SYN2: variants seen among roughly 807,000 people sequenced by gnomAD.
SYN2 encodes the protein synapsin II.
In SYN2, 19 loss-of-function variants were observed where a neutral mutation model predicts 50.9. The ratio of observed to expected loss-of-function variants is 0.37; its 90% CI spans 0.26 to 0.55. SYN2 has a LOEUF of 0.55. Ranked by LOEUF, SYN2 falls within the 20% of genes least tolerant of loss-of-function variation. SYN2 has a pLI of 0.81. For missense variants in SYN2, 587 were observed against 576.4 expected (o/e 1.02, Z -0.19); for synonymous variants, 255 against 224.9 (o/e 1.13, Z -1.20).
intron 1 of SYN2, among the ~76,000 whole-genome samples, chr3:12,124,435 A>G (rs1696622251): frequency 6.6e-6 from 1 of 152,192 alleles, no homozygotes; most frequent in Non-Finnish European, 1.5e-5. Flanking sequence ...GCTAACCACA[A>G]AAAGAATAGA....
chr3:12,024,237 A>C (rs542982989), intron 1 of SYN2, among the ~76,000 whole-genome samples: 2 of 145,786 alleles, frequency 1.4e-5, no homozygotes, highest in Middle Eastern at 3.4e-3. Context: ...GCTCACTGCA[A>C]CATCCACCTC....
intron 1 of SYN2, among the ~76,000 whole-genome samples, chr3:12,058,864 G>C (rs1318102124): frequency 6.6e-6 from 1 of 152,148 alleles, no homozygotes; most frequent in Non-Finnish European, 1.5e-5. Context: ...GTTTAATGCT[G>C]GTTCCAGCTG....
chr3:12,055,815 ATAAAAT>A (rs1252912808), intron 1 of SYN2, among the ~76,000 whole-genome samples: 3 of 152,238 alleles, frequency 2.0e-5, no homozygotes, highest in Admixed American at 6.5e-5. Context: ...CATAAAAATG[ATAAAAT>A]TAGAGTATTA....
intron 1 of SYN2, among the ~76,000 whole-genome samples, chr3:12,081,960 C>T (rs943901011): frequency 2.0e-5 from 3 of 152,042 alleles, no homozygotes; most frequent in African/African-American, 4.8e-5. Flanking sequence ...GACCAATGGG[C>T]GGAAACTAAG....
chr3:12,114,126 T>C (rs1696381220), intron 1 of SYN2, among the ~76,000 whole-genome samples: 1 of 152,116 alleles, frequency 6.6e-6, no homozygotes, highest in South Asian at 2.1e-4. Flanking sequence ...CTTTTTTTTT[T>C]TTTATTGTAG....
chr3:12,038,280 ATTTG>A (rs1694543165), intron 1 of SYN2, among the ~76,000 whole-genome samples: 1 of 152,098 alleles, frequency 6.6e-6, no homozygotes, highest in Non-Finnish European at 1.5e-5. Context: ...ATGATGCATT[ATTTG>A]TTCTTATATC....
intron 1 of SYN2, among the ~76,000 whole-genome samples, chr3:12,023,058 G>A (rs1694179785): frequency 6.6e-6 from 1 of 152,146 alleles, no homozygotes; most frequent in African/African-American, 2.4e-5. Context: ...AGGAATACGA[G>A]AACTGGCAAG....
intron 1 of SYN2, among the ~76,000 whole-genome samples, chr3:12,098,784 A>G (rs1325054424): frequency 2.0e-5 from 3 of 150,658 alleles, no homozygotes; most frequent in African/African-American, 7.3e-5. Context: ...AAAGAACATG[A>G]TTCAACTATA....
intron 1 of SYN2, among the ~76,000 whole-genome samples, chr3:12,091,701 A>G (rs1046366964): frequency 3.9e-5 from 6 of 152,148 alleles, no homozygotes; most frequent in African/African-American, 1.2e-4. Context: ...GCTTCTGTCA[A>G]AATAGTTAAG....
At chr3:12,107,013 TTGTGTGTGTGTG>T (rs34550312) in intron 1 of SYN2, among the ~76,000 whole-genome samples, 59 of 150,236 alleles carry the variant, frequency 3.9e-4, no homozygotes, top group Non-Finnish European at 4.7e-4. Flanking sequence ...GTCTGTATGT[TTGTGTGTGTGTG>T]TGTGTGTGTG....
chr3:12,088,851 G>C (rs1449512281), intron 1 of SYN2, among the ~76,000 whole-genome samples: 2 of 152,134 alleles, frequency 1.3e-5, no homozygotes, highest in Non-Finnish European at 2.9e-5. Flanking sequence ...TAGAAGGAAA[G>C]AGTAGAATGA....
At position 12,054,015 on chromosome 3, in the gene SYN2, G is replaced by T. The variant is rs113952473; in HGVS notation, c.377+49087G>T. Among the ~76,000 whole-genome samples the T allele has an allele frequency of 4.9e-3, 746 of 152,264 alleles. 6 individuals carry two copies. The highest frequency in any genetic ancestry group is 0.017 in the African/African-American group (687 of 41,546). On this transcript the variant is annotated intron_variant, in intron 1 of 12. Coordinates refer to ENST00000621198, the MANE Select transcript of SYN2 (RefSeq NM_133625.6). Reference sequence around the variant, plus strand: ...GGTGCAATCCCAGGGCAGCAAGAATGATAGTAGGGGGAGTGAGGCAGGAAG... The same window carrying T: ...GGTGCAATCCCAGGGCAGCAAGAATTATAGTAGGGGGAGTGAGGCAGGAAG...
chr3:12,070,654 T>A, intron 1 of SYN2: 1 of 1,306,008 alleles, frequency 7.7e-7, no homozygotes, highest in Non-Finnish European at 1.1e-6. Flanking sequence ...CAGGCCATGC[T>A]GTCCCTCTAT....
chr3:12,011,564 A>G (rs1337786986), intron 1 of SYN2, among the ~76,000 whole-genome samples: 2 of 152,224 alleles, frequency 1.3e-5, no homozygotes, highest in Non-Finnish European at 2.9e-5. Flanking sequence ...AATTTTAACC[A>G]GTTCATGTAA....
chr3:12,121,843 A>T (rs1034844065), intron 1 of SYN2, among the ~76,000 whole-genome samples: 1 of 152,176 alleles, frequency 6.6e-6, no homozygotes, highest in African/African-American at 2.4e-5. Flanking sequence ...TCTGTAGGGC[A>T]GGCTACAGGC....
intron 5 of SYN2, chr3:12,153,785 T>G (rs1264418153): frequency 2.0e-6 from 3 of 1,528,678 alleles, no homozygotes; most frequent in Non-Finnish European, 2.7e-6. Context: ...TTCAGATTCC[T>G]ACGTACCTTT....
intron 1 of SYN2, among the ~76,000 whole-genome samples, chr3:12,111,755 T>C (rs901561695): frequency 6.6e-6 from 1 of 152,200 alleles, no homozygotes; most frequent in Non-Finnish European, 1.5e-5. Context: ...GAAAAACAGA[T>C]CCAAACTCCT....
intron 1 of SYN2, among the ~76,000 whole-genome samples, chr3:12,086,957 C>G (rs982934217): frequency 6.6e-6 from 1 of 151,990 alleles, no homozygotes; most frequent in African/African-American, 2.4e-5. Context: ...TTTTAAAAAT[C>G]CTAAAGACTC....
chr3:12,188,661 C>G (rs1269818245), intron 12 of SYN2, among the ~76,000 whole-genome samples: 2 of 152,064 alleles, frequency 1.3e-5, no homozygotes. Context: ...AGTGGCAGAG[C>G]CAAGGTTGCG....
Sources: allele counts gnomAD v4.1 joint callset (sites outside exome capture counted in the v4.1 genomes callset), GRCh38; gene constraint gnomAD v4.1.1; transcripts MANE v1.5; gene names NCBI Gene and HGNC (gene_info 2026-07-23, HGNC 2026-07-21).